The following ARHGEF17 variants were observed in gnomAD, a reference collection of about 807,000 sequenced individuals.
ARHGEF17 encodes the protein 164 kDa Rho-specific guanine-nucleotide exchange factor.
Under a neutral mutation model 174.0 loss-of-function variants are expected in ARHGEF17, and 80 were observed. That is an observed-to-expected ratio of 0.46 (90% CI 0.38 to 0.55). ARHGEF17 has a LOEUF of 0.55. Ranked by LOEUF, ARHGEF17 falls within the 20% of genes least tolerant of loss-of-function variation. The pLI is 0.00. For missense variants in ARHGEF17, 2,886 were observed against 2,839.7 expected (o/e 1.02, Z -0.37); for synonymous variants, 1,311 against 1,189.1 (o/e 1.10, Z -2.11).
rs563092396 is a variant in ARHGEF17 at position 73,343,361 on chromosome 11, G to C, written c.3193-3522G>C. 5.1e-4 allele frequency: 197 copies of C among 389,104 alleles called. 4 individuals carry two copies. In the South Asian group the frequency reaches 0.021, roughly 42 times the overall value. 24.1% of individuals were successfully genotyped at this position (389,104 alleles called of 1,614,324 possible). ...CCAGGAGCCAACCCAGGAGACGGTGGGGGGAGGGGAGGCATGGGGCGCAGG... is the reference window on the plus strand; with the variant it reads ...CCAGGAGCCAACCCAGGAGACGGTGCGGGGAGGGGAGGCATGGGGCGCAGG... On this transcript the variant is annotated intron_variant, in intron 1 of 20. Transcript: ENST00000263674.
chr11:73,360,082 G>A (rs1038472661), intron 10 of ARHGEF17, 130 bp downstream of exon 10: 4 of 1,005,566 alleles, frequency 4.0e-6, no homozygotes, highest in South Asian at 3.2e-5. Flanking sequence ...GGCAAAAATC[G>A]CAGCCTCCCT....
Position 73,310,296 on chromosome 11 carries a change from C to A in ARHGEF17, c.1658C>A (p.Pro553His). ...AAGTCATTCACCTGCTCTGAGAAGC[C>A]CATGGCCCGCCGCCTGCCCCGCACC... ...RAKSFTCSEK[P>H]MARRLPRTSA... Residue 553 changes from proline (P) to histidine (H), a missense_variant, in exon 1 of 21, where the codon CCC becomes CAC. Coordinates refer to ENST00000263674, the MANE Select transcript of ARHGEF17 (RefSeq NM_014786.4). 1 of 1,613,856 alleles carries A rather than the reference C, an allele frequency of 6.2e-7. No homozygotes were observed. The highest frequency in any genetic ancestry group is 8.5e-7 in the Non-Finnish European group (1 of 1,180,004).
At position 73,364,480 on chromosome 11, in the gene ARHGEF17, A is replaced by T. The variant is rs1865804158; in HGVS notation, c.5430A>T (p.Lys1810Asn). The T allele has an allele frequency of 6.2e-7, 1 of 1,613,220 alleles. No individual in the cohort carries two copies. The highest frequency in any genetic ancestry group is 1.7e-5 in the Admixed American group (1 of 59,884). Residue 1810 changes from lysine (K) to asparagine (N), a missense_variant, in exon 18 of 21, where the codon AAA (lysine) becomes AAT (asparagine). This residue lies in a region of ARHGEF17 where 329 missense variants were observed against 435.2 expected (regional missense o/e 0.76). Coordinates refer to ENST00000263674, the MANE Select transcript of ARHGEF17 (RefSeq NM_014786.4). Reference protein sequence around the residue: ...AGHFWDPQNFKSVTLGTQGSP... With the variant: ...AGHFWDPQNFNSVTLGTQGSP... The stretch of plus-strand genomic sequence containing the variant: ...ATTTCTGGGACCCCCAGAACTTCAA[A>T]TCAGTGACCTTGGGCACCCAGGGGA...
intron 5 of ARHGEF17, 108 bp downstream of exon 5, chr11:73,356,061 G>A (rs1865632642): frequency 1.3e-6 from 2 of 1,574,266 alleles, no homozygotes; most frequent in East Asian, 2.3e-5. Context: ...GTCCCTAGGG[G>A]ACAGGTAGGA....
intron 1 of ARHGEF17, among the ~76,000 whole-genome samples, chr11:73,343,438 G>A (rs1865408826): frequency 6.6e-6 from 1 of 152,126 alleles, no homozygotes; most frequent in African/African-American, 2.4e-5. Flanking sequence ...GAGGAACCCT[G>A]GCAGGCGGTG....
At chr11:73,356,135 G>T in intron 5 of ARHGEF17, 40 bp from the exon 6 acceptor site, 3 of 1,608,556 alleles carry the variant, frequency 1.9e-6, no homozygotes, top group East Asian at 4.5e-5. Context: ...GGCCCCAGGG[G>T]TAGCTAAGCA....
In ARHGEF17 at chr11:73,310,128, G is replaced by A. The variant is rs148686447; in HGVS notation, c.1490G>A (p.Arg497His). Residue 497 changes from arginine (R) to histidine (H), a missense_variant, in exon 1 of 21, where the codon CGT becomes CAT. By Grantham distance (29) the Arg-to-His change is conservative. Coordinates refer to ENST00000263674, the MANE Select transcript of ARHGEF17 (RefSeq NM_014786.4). ...AAACCTGGTGGGAGCTCCGGGGACCGTGGAAGCAACCCCCTAGATGGCAGA... is the reference window on the plus strand; with the variant it reads ...AAACCTGGTGGGAGCTCCGGGGACCATGGAAGCAACCCCCTAGATGGCAGA... ...VRKPGGSSGD[R>H]GSNPLDGRDS... is the part of the protein sequence containing the mutation. The A allele has an allele frequency of 6.8e-6, 11 of 1,614,044 alleles. No homozygotes were observed. The highest frequency in any genetic ancestry group is 2.2e-5 in the South Asian group (2 of 91,088).
intron 1 of ARHGEF17, among the ~76,000 whole-genome samples, chr11:73,323,600 C>T (rs1249123927): frequency 2.0e-5 from 3 of 152,210 alleles, no homozygotes; most frequent in Non-Finnish European, 4.4e-5. Flanking sequence ...TGTCAGATGC[C>T]TGAGCGCCCT....
chr11:73,317,325 C>T (rs1269219692), intron 1 of ARHGEF17, among the ~76,000 whole-genome samples: 4 of 152,214 alleles, frequency 2.6e-5, no homozygotes, highest in African/African-American at 4.8e-5. Flanking sequence ...CCCCATCCCT[C>T]CCATCTGATC....
At chr11:73,325,134 C>T (rs2027761) in intron 1 of ARHGEF17, among the ~76,000 whole-genome samples, 25,865 of 151,948 alleles carry the variant, frequency 0.17, 2,981 homozygotes, top group African/African-American at 0.33. Context: ...GGGCCATGGC[C>T]GGCGTGACTC....
Position 73,309,194 on chromosome 11 carries a change from C to A in ARHGEF17, c.556C>A (p.Arg186=). Residue 186 remains arginine, a synonymous_variant, in exon 1 of 21, where the codon CGG becomes AGG. Coordinates refer to ENST00000263674, the MANE Select transcript of ARHGEF17 (RefSeq NM_014786.4). ...CCCCCTGGCGGGTCTGCGTTCGGCG[C>A]GGCCCCTGACCGGGCCGGAGACCGA... ...CFPLAGLRSA[R]PLTGPETEGR... is the part of the protein sequence containing the mutation. The A allele has an allele frequency of 6.3e-7, 1 of 1,588,596 alleles. No individual in the cohort carries two copies. The highest frequency in any genetic ancestry group is 8.6e-7 in the Non-Finnish European group (1 of 1,167,390).
Position 73,359,862 on chromosome 11 carries a change from C to T in ARHGEF17, c.4116C>T (p.Asn1372=), listed in dbSNP as rs1427580465. 1 of 1,612,788 alleles carries T rather than the reference C, an allele frequency of 6.2e-7. No individual in the cohort carries two copies. Among genetic ancestry groups the T allele is most frequent in the South Asian group, 1.1e-5 (1 of 90,940 alleles). ...CATCCCAAGCCACCAATCGGGAGAACATCCAGAAGGCCATCAGCCGCCTTG... is the reference window on the plus strand; with the variant it reads ...CATCCCAAGCCACCAATCGGGAGAATATCCAGAAGGCCATCAGCCGCCTTG... The part of the protein sequence containing the change: ...KGASQATNRE[N]IQKAISRLDE... Residue 1372 remains asparagine, a synonymous_variant, in exon 10 of 21, where the codon AAC becomes AAT. Coordinates refer to ENST00000263674, the MANE Select transcript of ARHGEF17 (RefSeq NM_014786.4).
rs200372043 is a variant in ARHGEF17 at position 73,353,011 on chromosome 11, C to T, written c.3452C>T (p.Ser1151Leu). 2.5e-5 allele frequency: 41 copies of T among 1,613,418 alleles called. No individual in the cohort carries two copies. Among genetic ancestry groups the T allele is most frequent in the Admixed American group, 3.3e-5 (2 of 60,028 alleles). Residue 1151 changes from serine to leucine, a missense_variant and splice_region_variant, in exon 3 of 21, where the codon TCG (serine) becomes TTG (leucine). By Grantham distance (145) the Ser-to-Leu change is moderately radical. Transcript: ENST00000263674. ...QQKVGALLVQ[S>L]FSKDVLVNIY... ...AAGGTGGGAGCCCTGCTCGTCCAGT[C>T]GGTGAGTGGCCCCGCTGCTGCCAAT... is the stretch of plus-strand genomic sequence containing the variant.
intron 1 of ARHGEF17, among the ~76,000 whole-genome samples, chr11:73,325,137 C>T (rs1591728158): frequency 6.6e-6 from 1 of 152,202 alleles, no homozygotes; most frequent in South Asian, 2.1e-4. Flanking sequence ...CCATGGCCGG[C>T]GTGACTCAAA....
At chr11:73,326,116 G>A (rs1416367494) in intron 1 of ARHGEF17, among the ~76,000 whole-genome samples, 1 of 152,234 alleles carries the variant, frequency 6.6e-6, no homozygotes. Context: ...GGGCCGCAGG[G>A]TGAAGGAGAA....
intron 3 of ARHGEF17, among the ~76,000 whole-genome samples, chr11:73,353,805 A>T (rs973109020): frequency 6.6e-6 from 1 of 152,216 alleles, no homozygotes; most frequent in Non-Finnish European, 1.5e-5. Flanking sequence ...CGAAAGCAAA[A>T]CCAATAAGCA....
chr11:73,343,333 G>A, intron 1 of ARHGEF17: 1 of 395,212 alleles, frequency 2.5e-6, no homozygotes, highest in Non-Finnish European at 4.5e-6. Flanking sequence ...GAACTCAGCC[G>A]ACCCAGGAGC....
intron 1 of ARHGEF17, among the ~76,000 whole-genome samples, chr11:73,346,103 G>C (rs561740790): frequency 6.6e-6 from 1 of 152,118 alleles, no homozygotes; most frequent in East Asian, 1.9e-4. Flanking sequence ...GACCCCTTGG[G>C]GACTCAGTAA....
At chr11:73,364,883 C>T (rs1865810062) in intron 18 of ARHGEF17, 3 of 410,340 alleles carry the variant, frequency 7.3e-6, no homozygotes, top group Non-Finnish European at 1.3e-5. Flanking sequence ...GGGGATAGGA[C>T]AAGAGTCCTT....
Sources: allele counts gnomAD v4.1 joint callset (sites outside exome capture counted in the v4.1 genomes callset), GRCh38; gene constraint gnomAD v4.1.1; regional missense constraint gnomAD v4.1.1; transcripts MANE v1.5; gene names NCBI Gene and HGNC (gene_info 2026-07-23, HGNC 2026-07-21).